Variants in CFAP263 observed in about 807,000 individuals in gnomAD.
CFAP263 encodes the protein cilia and flagella associated protein 263.
chr16:58,278,663 G>A, the CFAP263 span: 2 of 1,611,288 alleles, frequency 1.2e-6, no homozygotes. Flanking sequence ...CCCCAAGATG[G>A]GCAGTCTTTT....
the CFAP263 span, chr16:58,280,097 A>G: frequency 1.1e-6 from 1 of 932,846 alleles, no homozygotes; most frequent in Non-Finnish European, 1.6e-6. Context: ...AGCCCAGTGT[A>G]TGCCATGGGC....
At chr16:58,277,829 G>A in the CFAP263 span, among the ~76,000 whole-genome samples, 1 of 152,170 alleles carries the variant, frequency 6.6e-6, no homozygotes, top group South Asian at 2.1e-4. Flanking sequence ...GTCACAAAAG[G>A]ACAAGTACTG....
the CFAP263 span, chr16:58,279,895 C>A: frequency 1.2e-6 from 1 of 820,662 alleles, no homozygotes; most frequent in Non-Finnish European, 1.9e-6. Context: ...ACCCCCCACC[C>A]AGGCTGCGTA....
the CFAP263 span, chr16:58,259,986 T>TTATTCAGCCTACCAC: frequency 7.9e-7 from 1 of 1,263,278 alleles, no homozygotes. Flanking sequence ...GTTACTGTGG[T>TTATTCAGCCTACCAC]AGGCTGAATA....
chr16:58,252,875 C>A, the CFAP263 span: 1 of 1,611,530 alleles, frequency 6.2e-7, no homozygotes, highest in South Asian at 1.1e-5. Flanking sequence ...AGATCTAGAT[C>A]ATTCTTTTAT....
the CFAP263 span, among the ~76,000 whole-genome samples, chr16:58,250,713 C>G: frequency 6.8e-6 from 1 of 146,544 alleles, no homozygotes; most frequent in African/African-American, 2.5e-5. Flanking sequence ...TGCAGTGAGC[C>G]GAGATTGTGC....
At chr16:58,262,637 G>A in the CFAP263 span, 36 of 1,219,398 alleles carry the variant, frequency 3.0e-5, no homozygotes, top group East Asian at 2.4e-4. Flanking sequence ...TTCACACAGC[G>A]TTTGGGTGCC....
the CFAP263 span, among the ~76,000 whole-genome samples, chr16:58,276,378 T>C: frequency 4.6e-5 from 7 of 152,248 alleles, no homozygotes; most frequent in Admixed American, 6.5e-5. Context: ...AATTTAGCAC[T>C]GTTTACCAAA....
chr16:58,259,250 A>G, the CFAP263 span, among the ~76,000 whole-genome samples: 116 of 152,252 alleles, frequency 7.6e-4, no homozygotes, highest in African/African-American at 2.6e-3. Flanking sequence ...AAAAATTGTT[A>G]TAGAGATGAG....
the CFAP263 span, among the ~76,000 whole-genome samples, chr16:58,251,107 A>T: frequency 1.3e-5 from 2 of 152,212 alleles, no homozygotes; most frequent in African/African-American, 4.8e-5. Context: ...GTCAGAACTG[A>T]GGTATTATTA....
At chr16:58,249,966 C>G in the CFAP263 span, 2 of 1,310,270 alleles carry the variant, frequency 1.5e-6, no homozygotes, top group Non-Finnish European at 1.1e-6. Context: ...CCGCCGGCAC[C>G]CGGAGCTCCT....
the CFAP263 span, among the ~76,000 whole-genome samples, chr16:58,259,022 TAAA>T: frequency 2.0e-5 from 3 of 151,702 alleles, no homozygotes; most frequent in East Asian, 5.8e-4. Flanking sequence ...AATAAATAAA[TAAA>T]TAAATGCGTG....
the CFAP263 span, chr16:58,282,449 C>T: frequency 8.5e-5 from 13 of 152,278 alleles, no homozygotes; most frequent in African/African-American, 1.2e-4. Context: ...TATTCTCTTT[C>T]AATAAAGCTC....
At chr16:58,280,512 T>G in the CFAP263 span, 5 of 1,614,100 alleles carry the variant, frequency 3.1e-6, no homozygotes, top group Non-Finnish European at 4.2e-6. Context: ...AATCAGAATA[T>G]GTCTTCTGTG....
At chr16:58,267,412 T>C in the CFAP263 span, 7 of 1,050,478 alleles carry the variant, frequency 6.7e-6, no homozygotes, top group Non-Finnish European at 8.8e-6. Flanking sequence ...AACAAAGAGA[T>C]GTCTCCCCTT....
chr16:58,263,363 T>TTG, the CFAP263 span, among the ~76,000 whole-genome samples: 1 of 152,258 alleles, frequency 6.6e-6, no homozygotes, highest in Non-Finnish European at 1.5e-5. Flanking sequence ...TTCTACAGTA[T>TTG]TGTACTCAGT....
chr16:58,261,559 A>G, the CFAP263 span, among the ~76,000 whole-genome samples: 10 of 152,234 alleles, frequency 6.6e-5, no homozygotes, highest in South Asian at 4.1e-4. Context: ...CAGAAGCTAC[A>G]TACCAAGGAC....
chr16:58,278,993 G>A, the CFAP263 span, among the ~76,000 whole-genome samples: 1 of 151,784 alleles, frequency 6.6e-6, no homozygotes, highest in East Asian at 1.9e-4. Flanking sequence ...TTTTTTAAAT[G>A]AGATAGTGAT....
the CFAP263 span, chr16:58,281,337 CCTCT>C: frequency 1.3e-5 from 2 of 157,328 alleles, no homozygotes; most frequent in South Asian, 1.9e-4. Context: ...GTGACCAAAT[CCTCT>C]CTGAGCCAAG....
Sources: allele counts gnomAD v4.1 joint callset (sites outside exome capture counted in the v4.1 genomes callset), GRCh38; gene constraint gnomAD v4.1.1; transcripts MANE v1.5; gene names NCBI Gene and HGNC (gene_info 2026-07-23, HGNC 2026-07-21).